Variants in COL24A1 observed in about 807,000 individuals in gnomAD.
COL24A1 encodes collagen type XXIV alpha 1 chain, also known as collagen alpha-1(XXIV) chain.
COL24A1 carries 224 observed loss-of-function variants against 253.9 expected under a neutral mutation model. The observed-to-expected ratio is 0.88, with a 90% CI of 0.79 to 0.99. COL24A1 has a LOEUF of 0.99. COL24A1 is among the 50% of genes least tolerant of loss of function. The probability of loss-of-function intolerance (pLI) is 0.00; values close to 1 mark genes in which losing one functional copy is unlikely to be tolerated. For synonymous variants in COL24A1, 685 were observed against 673.7 expected (o/e 1.02, Z -0.26); for missense variants, 2,131 against 2,068.5 (o/e 1.03, Z -0.59).
chr1:85,869,421 G>GA (rs1156982962), intron 35 of COL24A1, among the ~76,000 whole-genome samples: 1 of 152,076 alleles, frequency 6.6e-6, no homozygotes, highest in Admixed American at 6.6e-5. Context: ...TGAAAAGAAG[G>GA]AAAAAATGTT....
At chr1:86,055,918 C>T (rs763997651) in intron 10 of COL24A1, among the ~76,000 whole-genome samples, 2 of 151,684 alleles carry the variant, frequency 1.3e-5, no homozygotes, top group Admixed American at 6.6e-5. Flanking sequence ...GTCAGGAGTT[C>T]GAGACCAGCC....
Position 86,125,169 on chromosome 1 carries a change from C to G in COL24A1, c.1167G>C (p.Leu389=), listed in dbSNP as rs770483865. The stretch of plus-strand genomic sequence containing the variant: ...GAAGAATAGATGGCATCTTCTTAAA[C>G]AGTGACAGACCAGTTACTCTATCAT... ...QHDDRVTGLS[L]FKKMPSILPQ... The change falls in exon 3 of 60, where the codon CTG becomes CTC. Residue 389 remains leucine, a synonymous_variant. Transcript: ENST00000370571. The G allele has an allele frequency of 1.9e-6, 3 of 1,613,240 alleles. No individual in the cohort carries two copies. Among genetic ancestry groups the G allele is most frequent in the African/African-American group, 1.3e-5 (1 of 74,880 alleles).
chr1:85,939,138 G>A (rs756422509), intron 24 of COL24A1, among the ~76,000 whole-genome samples: 1 of 152,078 alleles, frequency 6.6e-6, no homozygotes, highest in Non-Finnish European at 1.5e-5. Flanking sequence ...GTTATATACA[G>A]CCACTCAGAG....
chr1:85,919,656 G>A (rs1431734797), intron 24 of COL24A1, among the ~76,000 whole-genome samples: 1 of 152,166 alleles, frequency 6.6e-6, no homozygotes, highest in East Asian at 1.9e-4. Flanking sequence ...ACTCCAGTCT[G>A]GGTGACACAG....
chr1:86,036,436 ACTT>A (rs79047164), intron 12 of COL24A1, among the ~76,000 whole-genome samples: 19,834 of 151,986 alleles, frequency 0.13, 1,392 homozygotes, highest in Middle Eastern at 0.23. Flanking sequence ...AAATCTAGAC[ACTT>A]CTTGTTTTAT....
chr1:86,046,952 A>T, intron 11 of COL24A1, 83 bp from the exon 12 acceptor site: 1 of 834,676 alleles, frequency 1.2e-6, no homozygotes, highest in South Asian at 1.4e-5. Flanking sequence ...ATATAAAGCA[A>T]TAAAGTATGA....
intron 24 of COL24A1, among the ~76,000 whole-genome samples, chr1:85,915,723 A>C (rs867366556): frequency 6.6e-6 from 1 of 152,190 alleles, no homozygotes; most frequent in Non-Finnish European, 1.5e-5. Flanking sequence ...ATCTTGGTTC[A>C]CTGCAACTTC....
At chr1:85,948,648 C>A (rs1005608218) in intron 24 of COL24A1, among the ~76,000 whole-genome samples, 1 of 150,646 alleles carries the variant, frequency 6.6e-6, no homozygotes, top group Non-Finnish European at 1.5e-5. Flanking sequence ...TTTCTGTATA[C>A]CAACACAACT....
intron 24 of COL24A1, chr1:85,960,903 A>C (rs1168535392): frequency 5.8e-6 from 1 of 173,730 alleles, no homozygotes; most frequent in Non-Finnish European, 1.2e-5. Context: ...ATAAATAAAT[A>C]AATAAATAAA....
intron 53 of COL24A1, among the ~76,000 whole-genome samples, chr1:85,765,451 T>C (rs1667261641): frequency 6.6e-6 from 1 of 151,698 alleles, no homozygotes; most frequent in South Asian, 2.1e-4. Flanking sequence ...ATGCCTGTAA[T>C]TCTGGGGCTT....
chr1:85,772,280 T>C (rs1206243228), intron 53 of COL24A1, among the ~76,000 whole-genome samples: 2 of 151,472 alleles, frequency 1.3e-5, no homozygotes, highest in Non-Finnish European at 2.9e-5. Context: ...CCAGTTAGAA[T>C]GGCAATCATT....
chr1:85,872,613 G>A (rs1057037426), intron 35 of COL24A1, among the ~76,000 whole-genome samples: 1 of 152,110 alleles, frequency 6.6e-6, no homozygotes, highest in Admixed American at 6.5e-5. Context: ...AGTAAATGGT[G>A]TTAAGAAAAC....
At chr1:85,777,992 G>T (rs1169350724) in intron 52 of COL24A1, among the ~76,000 whole-genome samples, 1 of 150,682 alleles carries the variant, frequency 6.6e-6, no homozygotes, top group Admixed American at 6.6e-5. Context: ...AACTATAAGA[G>T]CTCTTGGTAT....
intron 5 of COL24A1, among the ~76,000 whole-genome samples, chr1:86,096,663 T>C (rs538415270): frequency 6.6e-6 from 1 of 152,096 alleles, no homozygotes; most frequent in African/African-American, 2.4e-5. Context: ...TTCCCCTTTC[T>C]CTCTCTGTCT....
At chr1:85,765,937 A>G (rs1667321525) in intron 53 of COL24A1, among the ~76,000 whole-genome samples, 1 of 152,202 alleles carries the variant, frequency 6.6e-6, no homozygotes, top group African/African-American at 2.4e-5. Context: ...AGAAAGTAGG[A>G]AATTTTGTAA....
At position 85,784,111 on chromosome 1, in the gene COL24A1, A is replaced by G; in HGVS notation, c.4221+2T>C. 1 of 1,610,714 alleles carries G rather than the reference A, an allele frequency of 6.2e-7. No individual in the cohort carries two copies. The highest frequency in any genetic ancestry group is 8.5e-7 in the Non-Finnish European group (1 of 1,177,408). On this transcript the variant is annotated splice_donor_variant, in intron 50 of 59. Coordinates refer to ENST00000370571, the MANE Select transcript of COL24A1 (RefSeq NM_152890.7). LOFTEE classifies it high-confidence loss of function. ...AGACTAGAAGAAAGTATGTAAACATACTTTAGGGCCTGGGAATCCTTGGAA... is the reference window on the plus strand; with the variant it reads ...AGACTAGAAGAAAGTATGTAAACATGCTTTAGGGCCTGGGAATCCTTGGAA...
intron 19 of COL24A1, among the ~76,000 whole-genome samples, chr1:85,999,757 A>G (rs759866679): frequency 1.3e-5 from 2 of 152,222 alleles, no homozygotes; most frequent in African/African-American, 2.4e-5. Context: ...TACAATGAGT[A>G]TAAAAGGATG....
At chr1:85,740,193 A>T (rs1300251131) in intron 57 of COL24A1, among the ~76,000 whole-genome samples, 2 of 152,208 alleles carry the variant, frequency 1.3e-5, no homozygotes, top group Non-Finnish European at 1.5e-5. Flanking sequence ...AGAAAAACAC[A>T]ACTGTTGTGA....
At chr1:86,077,773 G>A (rs181457286) in intron 7 of COL24A1, among the ~76,000 whole-genome samples, 3 of 152,092 alleles carry the variant, frequency 2.0e-5, no homozygotes, top group Non-Finnish European at 2.9e-5. Context: ...TCACTCAAAA[G>A]TGGGAGCTGA....
Sources: allele counts gnomAD v4.1 joint callset (sites outside exome capture counted in the v4.1 genomes callset), GRCh38; gene constraint gnomAD v4.1.1; transcripts MANE v1.5; gene names NCBI Gene and HGNC (gene_info 2026-07-23, HGNC 2026-07-21).